Variants in SLC7A2 observed in about 807,000 individuals in gnomAD.
SLC7A2 encodes the protein solute carrier family 7 member 2, also known as cationic amino acid transporter 2.
Under a neutral mutation model 58.9 loss-of-function variants are expected in SLC7A2, and 48 were observed. The observed-to-expected ratio is 0.82, with a 90% CI of 0.65 to 1.04. SLC7A2 has a LOEUF of 1.04. Ranked by LOEUF, SLC7A2 falls within the 50% of genes least tolerant of loss-of-function variation. The pLI, the probability that SLC7A2 is intolerant of heterozygous loss-of-function variation, is 0.00. For synonymous variants in SLC7A2, 363 were observed against 314.5 expected (o/e 1.15, Z -1.63); for missense variants, 1,029 against 818.8 (o/e 1.26, Z -3.13).
At chr8:17,523,936 G>A (rs1301119777) in intron 2 of SLC7A2, among the ~76,000 whole-genome samples, 2 of 151,588 alleles carry the variant, frequency 1.3e-5, no homozygotes, top group Admixed American at 1.3e-4. Context: ...TGAAAAAGTA[G>A]GCTAAGGACA....
chr8:17,527,157 T>C (rs1271195287), intron 2 of SLC7A2, among the ~76,000 whole-genome samples: 2 of 152,226 alleles, frequency 1.3e-5, no homozygotes, highest in Non-Finnish European at 2.9e-5. Flanking sequence ...ATTGACAGAC[T>C]TGTGTTATAA....
At chr8:17,544,238 A>G in intron 3 of SLC7A2, among the ~76,000 whole-genome samples, 1 of 152,236 alleles carries the variant, frequency 6.6e-6, no homozygotes. Flanking sequence ...TTTTTAAGTT[A>G]TAATTCTTTA....
At chr8:17,540,426 GA>G (rs1801861628) in intron 2 of SLC7A2, among the ~76,000 whole-genome samples, 1 of 152,118 alleles carries the variant, frequency 6.6e-6, no homozygotes, top group East Asian at 1.9e-4. Flanking sequence ...GTAACATGGA[GA>G]ACCTGACTAC....
chr8:17,520,777 A>G lies in SLC7A2; in HGVS notation c.-23+18475A>G, dbSNP rs77174749. On this transcript the variant is annotated intron_variant, in intron 2 of 12. Coordinates refer to ENST00000494857, the MANE Select transcript of SLC7A2 (RefSeq NM_001370338.1). The stretch of plus-strand genomic sequence containing the variant: ...GGAATAAAAGGGTATCTGTAAGTAG[A>G]GATGAGCTTAAGCAGAGGATATTTT... 5.9e-3 allele frequency: 5,238 copies of G among 884,528 alleles called. 134 individuals carry two copies. The African/African-American group carries it at 0.07, about 12-fold the overall frequency. 54.8% of individuals were successfully genotyped at this position (884,528 alleles called of 1,614,324 possible). A position where few individuals can be genotyped will look rare whatever the true frequency, so the allele number is the denominator to read the frequency against.
At chr8:17,547,785 AGTGTGTGTGT>A (rs35052068) in intron 4 of SLC7A2, among the ~76,000 whole-genome samples, 2,385 of 144,798 alleles carry the variant, frequency 0.016, 56 homozygotes, top group African/African-American at 0.056. Context: ...GGCACAAAAG[AGTGTGTGTGT>A]GTGTGTGTGT....
At chr8:17,496,516 C>T (rs1799961977), upstream of SLC7A2, among the ~76,000 whole-genome samples, 1 of 152,148 alleles carries the variant, frequency 6.6e-6, no homozygotes, top group Non-Finnish European at 1.5e-5. Flanking sequence ...TCTTGCTCCC[C>T]TGGAAATAAT....
chr8:17,514,848 A>G (rs1800740452), intron 2 of SLC7A2, among the ~76,000 whole-genome samples: 1 of 152,246 alleles, frequency 6.6e-6, no homozygotes, highest in Admixed American at 6.5e-5. Context: ...AGTTTTACTG[A>G]AATGAGAAAG....
chr8:17,561,416 C>G (rs1270859899), intron 10 of SLC7A2, among the ~76,000 whole-genome samples: 1 of 152,154 alleles, frequency 6.6e-6, no homozygotes, highest in African/African-American at 2.4e-5. Flanking sequence ...GACTTATTCA[C>G]TGCCATGAGA....
chr8:17,528,700 G>A (rs997980919), intron 2 of SLC7A2, among the ~76,000 whole-genome samples: 5 of 152,112 alleles, frequency 3.3e-5, no homozygotes, highest in African/African-American at 1.2e-4. Flanking sequence ...CACTGCCCCC[G>A]GCCTGGTCAT....
intron 2 of SLC7A2, among the ~76,000 whole-genome samples, chr8:17,532,038 G>A (rs1045076686): frequency 6.6e-6 from 1 of 151,732 alleles, no homozygotes; most frequent in Non-Finnish European, 1.5e-5. Flanking sequence ...GACCAGCCTG[G>A]CCAACGTGGT....
At chr8:17,538,851 C>T (rs199841701) in intron 2 of SLC7A2, 11 of 1,613,434 alleles carry the variant, frequency 6.8e-6, no homozygotes, top group African/African-American at 6.7e-5. Context: ...GTGGTTATAA[C>T]TCAGACAAAC....
intron 2 of SLC7A2, chr8:17,520,768 T>C: frequency 1.1e-6 from 1 of 916,776 alleles, no homozygotes; most frequent in Non-Finnish European, 1.3e-6. Flanking sequence ...AAAGGGTATC[T>C]GTAAGTAGAG....
At chr8:17,548,139 T>A (rs1189154590) in intron 4 of SLC7A2, among the ~76,000 whole-genome samples, 1 of 152,104 alleles carries the variant, frequency 6.6e-6, no homozygotes, top group East Asian at 1.9e-4. Context: ...TCTGGAGTTC[T>A]AGACTAGCCT....
intron 9 of SLC7A2, among the ~76,000 whole-genome samples, chr8:17,558,691 A>G (rs1802823507): frequency 6.6e-6 from 1 of 152,222 alleles, no homozygotes; most frequent in Admixed American, 6.5e-5. Flanking sequence ...TTCAGTTGTA[A>G]AAATTTTTGT....
At chr8:17,530,465 C>G (rs953179973) in intron 2 of SLC7A2, among the ~76,000 whole-genome samples, 1 of 152,074 alleles carries the variant, frequency 6.6e-6, no homozygotes, top group African/African-American at 2.4e-5. Context: ...ACATGCAGGG[C>G]TAGAAAGCCA....
rs186579934 is a variant in SLC7A2, at chr8:17,544,326, T to C, written c.377-125T>C. 92 of 667,988 alleles carry C rather than the reference T, an allele frequency of 1.4e-4. 1 individual carries two copies. The highest frequency in any genetic ancestry group is 1.3e-3 in the African/African-American group (75 of 55,912). 41.4% of individuals were successfully genotyped at this position (667,988 alleles called of 1,614,324 possible). ...TACTGTATGATTATAAATATCCAGA[T>C]ACTGTATATGTGATTAAAATTTTCA... On this transcript the variant is annotated intron_variant, in intron 3 of 12. Transcript: ENST00000494857.
chr8:17,561,646 G>A (rs1802991839), intron 10 of SLC7A2, among the ~76,000 whole-genome samples: 2 of 152,148 alleles, frequency 1.3e-5, no homozygotes, highest in Non-Finnish European at 2.9e-5. Flanking sequence ...TAGTCTGAAA[G>A]TAACCAGTGA....
At chr8:17,534,427 A>G (rs953070756) in intron 2 of SLC7A2, among the ~76,000 whole-genome samples, 19 of 152,208 alleles carry the variant, frequency 1.2e-4, no homozygotes, top group African/African-American at 4.6e-4. Context: ...CTGAAATCCA[A>G]CAGCATTTAG....
chr8:17,554,700 G>C lies in SLC7A2; in HGVS notation c.1195+1G>C. On this transcript the variant is annotated splice_donor_variant, in intron 8 of 12. Coordinates refer to ENST00000494857, the MANE Select transcript of SLC7A2 (RefSeq NM_001370338.1). LOFTEE classifies it high-confidence loss of function. Reference sequence around the variant, plus strand: ...ACTTTATCATCGGGTGCAGTGGCAGGTGAGAGAGAGTTGACTTTTCTTCAG... The same window carrying C: ...ACTTTATCATCGGGTGCAGTGGCAGCTGAGAGAGAGTTGACTTTTCTTCAG... 6.2e-7 allele frequency: 1 copy of C among 1,605,004 alleles called. No homozygotes were observed.
Sources: gnomAD v4.1 joint callset for allele counts (sites outside exome capture counted in the v4.1 genomes callset) on GRCh38, gnomAD v4.1.1 for gene constraint, MANE v1.5 for transcripts, NCBI Gene and HGNC (gene_info 2026-07-23, HGNC 2026-07-21) for gene names.